Variants in PTPRD observed in about 807,000 individuals in gnomAD.
PTPRD encodes protein tyrosine phosphatase receptor type D.
PTPRD carries 34 observed loss-of-function variants against 214.5 expected under a neutral mutation model. The observed-to-expected ratio is 0.16, with a 90% confidence interval of 0.12 to 0.21. The LOEUF is 0.21. PTPRD is among the 10% of genes least tolerant of loss of function. PTPRD has a pLI of 1.00. For synonymous variants in PTPRD, 1,128 were observed against 845.7 expected, an observed-to-expected ratio of 1.33 and a Z score of -5.79; for missense variants, 2,545 against 2,398.7, an observed-to-expected ratio of 1.06 and a Z score of -1.27.
chr9:9,097,034 T>G (rs1013670157), intron 10 of PTPRD, among the ~76,000 whole-genome samples: 6 of 152,154 alleles, frequency 3.9e-5, no homozygotes, highest in African/African-American at 1.2e-4. Flanking sequence ...GAAATTCAGG[T>G]GTTTTATCAT....
chr9:9,543,191 A>G (rs2078011175), intron 8 of PTPRD, among the ~76,000 whole-genome samples: 1 of 151,772 alleles, frequency 6.6e-6, no homozygotes, highest in African/African-American at 2.4e-5. Flanking sequence ...AGCAAAATAA[A>G]ACATACATGA....
At chr9:10,366,641 A>G (rs1326265266) in intron 2 of PTPRD, among the ~76,000 whole-genome samples, 1 of 152,148 alleles carries the variant, frequency 6.6e-6, no homozygotes. Flanking sequence ...TAATCATGGG[A>G]ATTCTAATTG....
chr9:8,755,960 G>A (rs2093958329), intron 11 of PTPRD, among the ~76,000 whole-genome samples: 1 of 152,218 alleles, frequency 6.6e-6, no homozygotes, highest in South Asian at 2.1e-4. Flanking sequence ...TATGTGTTAA[G>A]ACCCAAATAA....
At chr9:9,863,419 G>A (rs573939426) in intron 5 of PTPRD, among the ~76,000 whole-genome samples, 3 of 152,112 alleles carry the variant, frequency 2.0e-5, no homozygotes, top group African/African-American at 4.8e-5. Context: ...CATGTTTGGG[G>A]GCAAGGAGGG....
At chr9:10,604,316 A>G (rs2078749173) in intron 2 of PTPRD, among the ~76,000 whole-genome samples, 1 of 151,860 alleles carries the variant, frequency 6.6e-6, no homozygotes. Context: ...TACCATCAGA[A>G]TATCTCTCAG....
chr9:9,968,217 G>A (rs1403878235), intron 4 of PTPRD, among the ~76,000 whole-genome samples: 4 of 152,150 alleles, frequency 2.6e-5, no homozygotes, highest in Admixed American at 2.0e-4. Context: ...GCTACACTAG[G>A]ACATTTGAAG....
intron 36 of PTPRD, among the ~76,000 whole-genome samples, chr9:8,395,855 T>C (rs549766263): frequency 6.6e-6 from 1 of 152,130 alleles, no homozygotes; most frequent in African/African-American, 2.4e-5. Flanking sequence ...TATCTTTGAA[T>C]ACATTGCAAG....
chr9:8,649,127 G>A (rs951213453), intron 12 of PTPRD, among the ~76,000 whole-genome samples: 3 of 152,152 alleles, frequency 2.0e-5, no homozygotes, highest in African/African-American at 7.2e-5. Context: ...CCAAACTCCA[G>A]AATATCCTGC....
Position 8,331,670 on chromosome 9 carries a change from A to C in PTPRD, c.5446T>G (p.Ser1816Ala), listed in dbSNP as rs1841275581. 1 of 1,613,830 alleles carries C rather than the reference A, an allele frequency of 6.2e-7. No individual in the cohort carries two copies. The highest frequency in any genetic ancestry group is 8.5e-7 in the Non-Finnish European group (1 of 1,179,950). Residue 1816 changes from serine (S) to alanine (A), a missense_variant, in exon 44 of 46, where the codon TCC (serine) becomes GCC (alanine). Coordinates refer to ENST00000381196, the MANE Select transcript of PTPRD (RefSeq NM_002839.4). The part of the protein sequence containing the change: ...TDWPEQGVPK[S>A]GEGFIDFIGQ... ...ATGAAGTCAATAAATCCTTCTCCGG[A>C]CTTTGGCACTCCTTGCTCTGGCCAG...
At chr9:8,955,704 C>A (rs2099127835) in intron 11 of PTPRD, among the ~76,000 whole-genome samples, 1 of 151,608 alleles carries the variant, frequency 6.6e-6, no homozygotes, top group African/African-American at 2.4e-5. Flanking sequence ...AATTCTTTGT[C>A]ACATTTTGAA....
chr9:10,044,863 C>T (rs532379645), intron 3 of PTPRD, among the ~76,000 whole-genome samples: 2 of 151,790 alleles, frequency 1.3e-5, no homozygotes, highest in South Asian at 4.1e-4. Flanking sequence ...GGCTCAGTAT[C>T]CATTACACTG....
intron 12 of PTPRD, among the ~76,000 whole-genome samples, chr9:8,684,683 AGATT>A (rs1307677221): frequency 3.9e-5 from 6 of 152,204 alleles, no homozygotes; most frequent in African/African-American, 1.4e-4. Flanking sequence ...AGCTATGTTA[AGATT>A]GATTAACAGG....
intron 22 of PTPRD, among the ~76,000 whole-genome samples, chr9:8,506,315 C>T (rs534732241): frequency 3.3e-5 from 5 of 152,172 alleles, no homozygotes; most frequent in African/African-American, 1.2e-4. Context: ...TTCTCAAACA[C>T]AGTGCCATTA....
At chr9:10,376,374 A>G (rs1347034653) in intron 2 of PTPRD, among the ~76,000 whole-genome samples, 1 of 151,880 alleles carries the variant, frequency 6.6e-6, no homozygotes, top group East Asian at 1.9e-4. Context: ...AGGAAAAATT[A>G]TAGAACAAAT....
chr9:9,024,427 A>G (rs1008233110), intron 10 of PTPRD, among the ~76,000 whole-genome samples: 2 of 145,908 alleles, frequency 1.4e-5, no homozygotes, highest in African/African-American at 5.1e-5. Flanking sequence ...AATCATGATT[A>G]ATTCCTTAGG....
At chr9:10,552,457 T>C (rs2061548500) in intron 2 of PTPRD, among the ~76,000 whole-genome samples, 1 of 152,138 alleles carries the variant, frequency 6.6e-6, no homozygotes, top group Non-Finnish European at 1.5e-5. Context: ...TTCACACTCT[T>C]CTCATTCTTC....
At chr9:10,369,730 C>G (rs2097576840) in intron 2 of PTPRD, among the ~76,000 whole-genome samples, 1 of 152,028 alleles carries the variant, frequency 6.6e-6, no homozygotes, top group African/African-American at 2.4e-5. Context: ...GCTTCTGGAT[C>G]AGACAGTAAG....
chr9:8,364,645 T>C (rs1446945942), intron 39 of PTPRD, among the ~76,000 whole-genome samples: 3 of 152,204 alleles, frequency 2.0e-5, no homozygotes, highest in East Asian at 1.9e-4. Context: ...TGGCCTGAAG[T>C]GGTTTCCACC....
At chr9:8,483,801 CA>C (rs547838425) in intron 30 of PTPRD, among the ~76,000 whole-genome samples, 1 of 85,428 alleles carries the variant, frequency 1.2e-5, no homozygotes, top group Non-Finnish European at 2.5e-5. Flanking sequence ...AAAACAAAAA[CA>C]AAAACAAACA....
Sources: gnomAD v4.1 joint callset for allele counts (sites outside exome capture counted in the v4.1 genomes callset) on GRCh38, gnomAD v4.1.1 for gene constraint, MANE v1.5 for transcripts, NCBI Gene and HGNC (gene_info 2026-07-23, HGNC 2026-07-21) for gene names.